Variants in TMEM62 observed in about 807,000 individuals in gnomAD.
TMEM62 encodes the protein transmembrane protein 62.
In TMEM62, 41 loss-of-function variants were observed where a neutral mutation model predicts 70.4. The observed-to-expected ratio is 0.58, with a 90% confidence interval of 0.45 to 0.76. The LOEUF is 0.76. Among genes scored for constraint, TMEM62 ranks in the 30% least tolerant of loss-of-function variants. TMEM62 has a pLI of 0.00. For synonymous variants in TMEM62, 268 were observed against 291.0 expected, an observed-to-expected ratio of 0.92 and a Z score of 0.80; for missense variants, 688 against 788.5, an observed-to-expected ratio of 0.87 and a Z score of 1.53.
intron 8 of TMEM62, among the ~76,000 whole-genome samples, chr15:43,154,163 C>T (rs530450291): frequency 1.7e-3 from 256 of 152,168 alleles, no homozygotes; most frequent in Non-Finnish European, 2.0e-3. Flanking sequence ...ACACATGTGT[C>T]AGTCAGGTTT....
At chr15:43,148,956 G>T in intron 6 of TMEM62, 73 bp from the exon 7 acceptor site, 1 of 1,601,280 alleles carries the variant, frequency 6.2e-7, no homozygotes, top group Non-Finnish European at 8.5e-7. Flanking sequence ...TGCTTTTCTG[G>T]CAAGACATTT....
chr15:43,151,971 C>T (rs771712322), intron 8 of TMEM62, 26 bp downstream of exon 8: 1 of 1,564,274 alleles, frequency 6.4e-7, no homozygotes, highest in Non-Finnish European at 8.7e-7. Context: ...TTAGAATTTA[C>T]TTTCAGTTTG....
At chr15:43,146,328 CTT>C (rs2036653605) in intron 4 of TMEM62, 163 bp from the exon 5 acceptor site, 2 of 619,582 alleles carry the variant, frequency 3.2e-6, no homozygotes, top group Admixed American at 2.9e-5. Context: ...GGGAGAAAAA[CTT>C]TGAAATTTCA....
chr15:43,140,135 C>G (rs1268435340), intron 4 of TMEM62, among the ~76,000 whole-genome samples: 6 of 152,174 alleles, frequency 3.9e-5, no homozygotes, highest in Admixed American at 1.3e-4. Context: ...TCTCCCCACC[C>G]TTGCAGTCTC....
At chr15:43,165,173 CCTCTTTAAGGCCAATAA>C (rs1344244086) in intron 10 of TMEM62, among the ~76,000 whole-genome samples, 1 of 151,934 alleles carries the variant, frequency 6.6e-6, no homozygotes, top group Non-Finnish European at 1.5e-5. Flanking sequence ...CTCTGTACCT[CCTCTTTAAGGCCAATAA>C]CTCTTAGATT....
At chr15:43,159,217 C>A (rs1208128795) in intron 9 of TMEM62, among the ~76,000 whole-genome samples, 1 of 152,210 alleles carries the variant, frequency 6.6e-6, no homozygotes, top group African/African-American at 2.4e-5. Flanking sequence ...TCCACCCTCT[C>A]AAGCATTTGT....
chr15:43,184,205 A>G lies in TMEM62; in HGVS notation c.1606-55A>G, dbSNP rs1049572187. ...TAGGATCCACTAATAATGCATTATT[A>G]AGACCAAACTCTTCCAAGGACTTGG... On this transcript the variant is annotated intron_variant, in intron 13 of 13. Coordinates refer to ENST00000260403, the MANE Select transcript of TMEM62 (RefSeq NM_024956.4). The G allele has an allele frequency of 2.1e-5, 31 of 1,491,602 alleles. No homozygotes were observed. The African/African-American group carries it at 3.8e-4, about 18-fold the overall frequency. 92.4% of individuals were successfully genotyped at this position (1,491,602 alleles called of 1,614,324 possible). A position where few individuals can be genotyped will look rare whatever the true frequency, so the allele number is the denominator to read the frequency against.
chr15:43,140,548 C>T (rs2035864314), intron 4 of TMEM62, among the ~76,000 whole-genome samples: 1 of 152,164 alleles, frequency 6.6e-6, no homozygotes, highest in African/African-American at 2.4e-5. Flanking sequence ...TGGTATTCTC[C>T]TTCTCTCTAT....
chr15:43,134,520 C>T, intron 2 of TMEM62, 152 bp downstream of exon 2: 1 of 621,316 alleles, frequency 1.6e-6, no homozygotes, highest in South Asian at 1.9e-5. Flanking sequence ...GACATTCTAA[C>T]CCCTTTGCCT....
intron 4 of TMEM62, among the ~76,000 whole-genome samples, chr15:43,142,897 T>G (rs2036231751): frequency 6.6e-6 from 1 of 151,008 alleles, no homozygotes; most frequent in African/African-American, 2.4e-5. Context: ...CTTGAACTCC[T>G]GGGCTCAAGT....
intron 9 of TMEM62, among the ~76,000 whole-genome samples, chr15:43,158,776 AC>A (rs1480660658): frequency 6.6e-6 from 1 of 152,230 alleles, no homozygotes; most frequent in African/African-American, 2.4e-5. Flanking sequence ...TTGCCCCTTT[AC>A]TAAAGCAGTT....
In TMEM62 at chr15:43,149,108, G is replaced by C; in HGVS notation, c.823G>C (p.Gly275Arg). 6.2e-7 allele frequency: 1 copy of C among 1,614,030 alleles called. No homozygotes were observed. The highest frequency in any genetic ancestry group is 8.5e-7 in the Non-Finnish European group (1 of 1,180,002). Reference sequence around the variant, plus strand: ...TGTTTTGCACACTCGTCACTTCCAGGGCACTTTGGAACTTGAGGTGGGAGA... The same window carrying C: ...TGTTTTGCACACTCGTCACTTCCAGCGCACTTTGGAACTTGAGGTGGGAGA... ...MPVLHTRHFQ[G>R]TLELEVGDWK... The change falls in exon 7 of 14, where the codon GGC (glycine) becomes CGC (arginine). Residue 275 changes from glycine (G) to arginine (R), a missense_variant. Gly to Arg is a moderately radical substitution (Grantham distance 125). Transcript: ENST00000260403.
chr15:43,160,384 C>T (rs905842165), intron 9 of TMEM62: 15 of 215,394 alleles, frequency 7.0e-5, no homozygotes, highest in African/African-American at 3.4e-4. Context: ...GACCCCATCT[C>T]TAAAATAAAT....
chr15:43,133,931 G>T lies in TMEM62; in HGVS notation c.129G>T (p.Arg43Ser), dbSNP rs1377524407. The T allele has an allele frequency of 2.0e-6, 3 of 1,480,920 alleles. No individual in the cohort carries two copies. Among genetic ancestry groups the T allele is most frequent in the Non-Finnish European group, 2.7e-6 (3 of 1,124,380 alleles). 91.7% of individuals were successfully genotyped at this position (1,480,920 alleles called of 1,614,324 possible). ...SPLPRPAPPRRPHPAPGPGDS... is the reference protein window; with the variant it reads ...SPLPRPAPPRSPHPAPGPGDS... Reference sequence around the variant, plus strand: ...TGCCGCGCCCCGCGCCCCCCAGGAGGCCGCACCCTGCGCCAGGGCCCGGAG... The same window carrying T: ...TGCCGCGCCCCGCGCCCCCCAGGAGTCCGCACCCTGCGCCAGGGCCCGGAG... The change falls in exon 1 of 14, where the codon AGG (arginine) becomes AGT (serine). Residue 43 changes from arginine (R) to serine (S), a missense_variant. Transcript: ENST00000260403.
rs1596248746 is a variant in TMEM62, at chr15:43,149,199, C to T, written c.866+48C>T. On this transcript the variant is annotated intron_variant, in intron 7 of 13. Transcript: ENST00000260403. Reference sequence around the variant, plus strand: ...GAAAACTTATACACATAAGTTTTGCCAAAGCAATGATAGTTTTCTTACTGA... The same window carrying T: ...GAAAACTTATACACATAAGTTTTGCTAAAGCAATGATAGTTTTCTTACTGA... 9 of 1,588,154 alleles carry T rather than the reference C, an allele frequency of 5.7e-6. No individual in the cohort carries two copies. In the East Asian group the frequency reaches 2.0e-4, roughly 36 times the overall value.
In TMEM62 at chr15:43,184,817, CAA is replaced by C. The variant is rs2041742006; in HGVS notation, c.*233_*234del. On this transcript the variant is annotated 3_prime_UTR_variant, in exon 14 of 14. Coordinates refer to ENST00000260403, the MANE Select transcript of TMEM62 (RefSeq NM_024956.4). ...TTTATTCCTTCCCTCCCTAAGGAGG[CAA>C]AGAGTTGATTTACCTTTGTGAAGAG... 2 of 563,948 alleles carry C rather than the reference CAA, an allele frequency of 3.5e-6. No homozygotes were observed. The highest frequency in any genetic ancestry group is 3.2e-5 in the Admixed American group (1 of 31,528). 34.9% of individuals were successfully genotyped at this position (563,948 alleles called of 1,614,324 possible). A position where few individuals can be genotyped will look rare whatever the true frequency, so the allele number is the denominator to read the frequency against.
intron 10 of TMEM62, among the ~76,000 whole-genome samples, chr15:43,167,193 G>A (rs1000508385): frequency 1.3e-5 from 2 of 151,340 alleles, no homozygotes; most frequent in African/African-American, 4.9e-5. Context: ...TCCCGGACGG[G>A]TCGGCTGGCC....
rs370074036 is a variant in TMEM62 at position 43,169,587 on chromosome 15, C to T, written c.1297-6C>T. On this transcript the variant is annotated splice_polypyrimidine_tract_variant and splice_region_variant and intron_variant, in intron 10 of 13. Transcript: ENST00000260403. The stretch of plus-strand genomic sequence containing the variant: ...CTATTTCACGTTAACATCTATTTCC[C>T]TGCAGGCCCGGGTCCTTTTTGTGCT... 1 of 1,613,118 alleles carries T rather than the reference C, an allele frequency of 6.2e-7. No homozygotes were observed. Among genetic ancestry groups the T allele is most frequent in the African/African-American group, 1.3e-5 (1 of 74,948 alleles).
chr15:43,154,157 A>G (rs1023628442), intron 8 of TMEM62, among the ~76,000 whole-genome samples: 4 of 152,200 alleles, frequency 2.6e-5, no homozygotes, highest in Non-Finnish European at 4.4e-5. Flanking sequence ...TGGAACACAC[A>G]TGTGTCAGTC....
Sources: gnomAD v4.1 joint callset for allele counts (sites outside exome capture counted in the v4.1 genomes callset) on GRCh38, gnomAD v4.1.1 for gene constraint, MANE v1.5 for transcripts, NCBI Gene and HGNC (gene_info 2026-07-23, HGNC 2026-07-21) for gene names.